The following SYT16 variants were observed in gnomAD, a reference collection of about 807,000 sequenced individuals.
The protein encoded by SYT16 is synaptotagmin 16.
Under a neutral mutation model 61.4 loss-of-function variants are expected in SYT16, and 42 were observed. That is an observed-to-expected ratio of 0.68 (90% CI 0.53 to 0.89). The LOEUF is 0.89. SYT16 is among the 40% of genes least tolerant of loss of function. The probability of loss-of-function intolerance (pLI) is 0.00; values close to 1 mark genes in which losing one functional copy is unlikely to be tolerated. For missense variants in SYT16, 804 were observed against 807.3 expected (o/e 1.00, Z 0.05); for synonymous variants, 314 against 302.3 (o/e 1.04, Z -0.40).
At chr14:61,828,277 T>A (rs911303474) in intron 1 of SYT16, among the ~76,000 whole-genome samples, 2 of 152,144 alleles carry the variant, frequency 1.3e-5, no homozygotes, top group South Asian at 2.1e-4. Context: ...ATACACATAC[T>A]TTTTGCCTTC....
At chr14:62,000,682 A>G (rs545259654) in intron 3 of SYT16, among the ~76,000 whole-genome samples, 8 of 151,552 alleles carry the variant, frequency 5.3e-5, no homozygotes, top group Non-Finnish European at 1.0e-4. Flanking sequence ...TTATATATCC[A>G]CTCTGGGCTC....
chr14:61,996,585 G>A (rs61743836), intron 3 of SYT16, 43 bp downstream of exon 3: 103,288 of 1,531,298 alleles, frequency 0.067, 3,770 homozygotes, highest in Middle Eastern at 0.075. Flanking sequence ...CCTCCAAAGA[G>A]CATTTCTACT....
rs1344256440 is a variant in SYT16 at position 61,996,149 on chromosome 14, A to G, written c.130A>G (p.Lys44Glu). The G allele has an allele frequency of 6.2e-7, 1 of 1,613,322 alleles. No individual in the cohort carries two copies. The highest frequency in any genetic ancestry group is 1.3e-5 in the African/African-American group (1 of 74,872). Reference protein sequence around the residue: ...MLSASLVNISKQDSKLSDKLD... With the variant: ...MLSASLVNISEQDSKLSDKLD... ...ATCTGCTTCGCTGGTTAACATAAGC[A>G]AACAAGACTCTAAATTGAGTGACAA... The change falls in exon 3 of 8, where the codon AAA becomes GAA. Residue 44 changes from lysine (K) to glutamate (E), a missense_variant. By Grantham distance (56) the Lys-to-Glu change is moderately conservative. Coordinates refer to ENST00000683842, the MANE Select transcript of SYT16 (RefSeq NM_001367656.1).
chr14:61,906,887 A>T (rs143009514), intron 1 of SYT16, among the ~76,000 whole-genome samples: 38 of 152,328 alleles, frequency 2.5e-4, no homozygotes, highest in African/African-American at 9.1e-4. Flanking sequence ...CTCTGAGGAC[A>T]CAATGGTAAA....
At chr14:62,042,634 C>T (rs1482051605) in intron 3 of SYT16, among the ~76,000 whole-genome samples, 2 of 152,190 alleles carry the variant, frequency 1.3e-5, no homozygotes, top group Non-Finnish European at 2.9e-5. Context: ...GTGGTTCTTT[C>T]CATGATTCTG....
At position 61,996,531 on chromosome 14, in the gene SYT16, G is replaced by GAA; in HGVS notation, c.517_518dup (p.Gln174SerfsTer22). 6.3e-7 allele frequency: 1 copy of GAA among 1,592,646 alleles called. No individual in the cohort carries two copies. Among genetic ancestry groups the GAA allele is most frequent in the African/African-American group, 1.4e-5 (1 of 74,022 alleles). On this transcript the variant is annotated frameshift_variant, in exon 3 of 8. Transcript: ENST00000683842. LOFTEE classifies it high-confidence loss of function. Reference sequence around the variant, plus strand: ...CCTGGTACTTTAGAAACTGTTAATGGAAAAAAGCAAGGTAAGCTAGCCAGT... The same window carrying GAA: ...CCTGGTACTTTAGAAACTGTTAATGGAAAAAAAAGCAAGGTAAGCTAGCCAGT...
chr14:61,861,154 G>A (rs554582244), intron 1 of SYT16, among the ~76,000 whole-genome samples: 1 of 152,174 alleles, frequency 6.6e-6, no homozygotes, highest in African/African-American at 2.4e-5. Flanking sequence ...CAACTGGGAG[G>A]GAATCTGAAT....
At chr14:61,886,487 C>T (rs1464717140) in intron 1 of SYT16, among the ~76,000 whole-genome samples, 1 of 152,200 alleles carries the variant, frequency 6.6e-6, no homozygotes, top group Non-Finnish European at 1.5e-5. Context: ...TCAGCCGTGT[C>T]CACAGCGTCT....
At chr14:62,011,134 C>A (rs2053429752) in intron 3 of SYT16, among the ~76,000 whole-genome samples, 1 of 152,136 alleles carries the variant, frequency 6.6e-6, no homozygotes, top group South Asian at 2.1e-4. Context: ...TTAGGAATTT[C>A]TCGGTTTCTT....
chr14:61,847,075 A>G (rs144793946), intron 1 of SYT16, among the ~76,000 whole-genome samples: 1 of 148,920 alleles, frequency 6.7e-6, no homozygotes, highest in African/African-American at 2.6e-5. Flanking sequence ...CTTTCTACTT[A>G]AGACTAGTTT....
chr14:61,852,490 A>C, intron 1 of SYT16, among the ~76,000 whole-genome samples: 1 of 152,200 alleles, frequency 6.6e-6, no homozygotes, highest in Non-Finnish European at 1.5e-5. Flanking sequence ...ATAGCATTGA[A>C]TCTATAAACT....
chr14:61,913,633 A>C (rs1243804875), intron 1 of SYT16, among the ~76,000 whole-genome samples: 10 of 151,520 alleles, frequency 6.6e-5, no homozygotes, highest in Non-Finnish European at 1.5e-5. Context: ...TGGACACTGG[A>C]CTGTATTTAC....
chr14:62,053,132 C>G (rs1227501976), intron 3 of SYT16, among the ~76,000 whole-genome samples: 1 of 152,076 alleles, frequency 6.6e-6, no homozygotes, highest in South Asian at 2.1e-4. Context: ...GAGGAGAGCT[C>G]TAGAGAAAAC....
chr14:61,942,218 T>G (rs2050238625), intron 1 of SYT16, among the ~76,000 whole-genome samples: 1 of 152,248 alleles, frequency 6.6e-6, no homozygotes, highest in East Asian at 1.9e-4. Context: ...TATTTTATAA[T>G]AGTTGATCCT....
In SYT16 at chr14:61,939,429, C is replaced by T. The variant is rs567036914; in HGVS notation, c.-324-30703C>T. Among the ~76,000 whole-genome samples the T allele has an allele frequency of 3.3e-5, 5 of 152,346 alleles. No individual in the cohort carries two copies. The South Asian group carries it at 1.0e-3, about 32-fold the overall frequency. On this transcript the variant is annotated intron_variant, in intron 1 of 7. Coordinates refer to ENST00000683842, the MANE Select transcript of SYT16 (RefSeq NM_001367656.1). ...AATGCCACCAACTGCAAAGCTTCAACAGCAGAGATCTATTTTCTCACAGTC... is the reference window on the plus strand; with the variant it reads ...AATGCCACCAACTGCAAAGCTTCAATAGCAGAGATCTATTTTCTCACAGTC...
At chr14:61,961,613 A>G (rs986086197) in intron 1 of SYT16, among the ~76,000 whole-genome samples, 1 of 152,202 alleles carries the variant, frequency 6.6e-6, no homozygotes, top group African/African-American at 2.4e-5. Context: ...AAGTCAAAAA[A>G]TAACAGATGC....
intron 1 of SYT16, among the ~76,000 whole-genome samples, chr14:61,871,433 C>T (rs1260006146): frequency 6.6e-6 from 1 of 152,116 alleles, no homozygotes; most frequent in African/African-American, 2.4e-5. Context: ...CTGTGGCTTC[C>T]CCAAACTCCA....
rs1352450315 is a variant in SYT16 at position 62,108,745 on chromosome 14, A to C, written c.*8038A>C. 1 of 152,230 alleles carries C rather than the reference A, an allele frequency of 6.6e-6. No homozygotes were observed. Among genetic ancestry groups the C allele is most frequent in the Non-Finnish European group, 1.5e-5 (1 of 68,026 alleles). The allele number at this position is 152,230 out of a possible 1,614,324, so 9.4% of individuals were successfully genotyped here. A position where few individuals can be genotyped will look rare whatever the true frequency, so the allele number is the denominator to read the frequency against. On this transcript the variant is annotated 3_prime_UTR_variant, in exon 8 of 8. Coordinates refer to ENST00000683842, the MANE Select transcript of SYT16 (RefSeq NM_001367656.1). The stretch of plus-strand genomic sequence containing the variant: ...TATAGATTTTAAGTTTGTGAATAAG[A>C]AATTAGTATTTGTATACCTTATTAT...
At chr14:61,991,659 C>T (rs2052554039) in intron 2 of SYT16, among the ~76,000 whole-genome samples, 1 of 152,128 alleles carries the variant, frequency 6.6e-6, no homozygotes, top group African/African-American at 2.4e-5. Flanking sequence ...AGCAACTGGA[C>T]ACTCTTTTAT....
Sources: gnomAD v4.1 joint callset for allele counts (sites outside exome capture counted in the v4.1 genomes callset) on GRCh38, gnomAD v4.1.1 for gene constraint, MANE v1.5 for transcripts, NCBI Gene and HGNC (gene_info 2026-07-23, HGNC 2026-07-21) for gene names.